RNF128: variants seen among roughly 807,000 people sequenced by gnomAD.
The protein encoded by RNF128 is ring finger protein 128.
Under a neutral mutation model 26.2 loss-of-function variants are expected in RNF128, and 13 were observed. The ratio of observed to expected loss-of-function variants is 0.50; its 90% CI spans 0.32 to 0.79. RNF128 has a LOEUF of 0.79. Among genes scored for constraint, RNF128 ranks in the 30% least tolerant of loss-of-function variants. The pLI, the probability that RNF128 is intolerant of heterozygous loss-of-function variation, is 0.03. For synonymous variants in RNF128, 149 were observed against 142.5 expected (o/e 1.05, Z -0.32); for missense variants, 315 against 349.7 (o/e 0.90, Z 0.79).
chrX:106,791,006 A>G (rs759508739), intron 5 of RNF128, 60 bp from the exon 6 acceptor site: 2 of 1,051,977 alleles, frequency 1.9e-6, no homozygotes, highest in Non-Finnish European at 2.6e-6. Context: ...CTTTGAAGTG[A>G]TATGTCGAGG....
At chrX:106,745,734 T>G (rs1416554730) in intron 1 of RNF128, among the ~76,000 whole-genome samples, 1 of 111,758 alleles carries the variant, frequency 8.9e-6, no homozygotes, top group African/African-American at 3.2e-5. Context: ...GAAACGCAAA[T>G]TTGGTTCATC....
At chrX:106,775,448 T>C (rs973952713) in intron 2 of RNF128, among the ~76,000 whole-genome samples, 1 of 111,991 alleles carries the variant, frequency 8.9e-6, no homozygotes, top group African/African-American at 3.2e-5. Flanking sequence ...GGTCTACGCA[T>C]TTAATTTTCA....
At chrX:106,773,245 A>G (rs1930408742) in intron 2 of RNF128, 85 bp downstream of exon 2, 1 of 922,582 alleles carries the variant, frequency 1.1e-6, no homozygotes, top group Non-Finnish European at 1.5e-6. Flanking sequence ...AATACATTGT[A>G]CTTGCTAGAC....
chrX:106,761,450 A>C (rs1489016628), intron 1 of RNF128, among the ~76,000 whole-genome samples: 1 of 111,800 alleles, frequency 8.9e-6, no homozygotes, highest in African/African-American at 3.2e-5. Context: ...AGGAATATAA[A>C]TCATTCTACC....
chrX:106,794,207 A>C (rs1453366112), intron 6 of RNF128, among the ~76,000 whole-genome samples: 6 of 110,654 alleles, frequency 5.4e-5, no homozygotes, highest in African/African-American at 2.0e-4. Flanking sequence ...TTCATTCTAT[A>C]ATATCATTCT....
At chrX:106,755,374 A>C (rs952552888) in intron 1 of RNF128, among the ~76,000 whole-genome samples, 1 of 111,356 alleles carries the variant, frequency 9.0e-6, no homozygotes, top group Non-Finnish European at 1.9e-5. Context: ...TTCTGAAAAA[A>C]CGGAGCAGGA....
chrX:106,786,419 C>T (rs934012720), intron 3 of RNF128, among the ~76,000 whole-genome samples: 3 of 111,534 alleles, frequency 2.7e-5, no homozygotes, highest in Non-Finnish European at 5.7e-5. Flanking sequence ...CAAAAAAGAA[C>T]TTAAATCCAT....
At chrX:106,734,881 AT>A (rs1160901052) in intron 1 of RNF128, among the ~76,000 whole-genome samples, 1 of 111,940 alleles carries the variant, frequency 8.9e-6, no homozygotes, top group Non-Finnish European at 1.9e-5. Flanking sequence ...CACTGGGGTT[AT>A]TTTATGGTGG....
intron 1 of RNF128, among the ~76,000 whole-genome samples, chrX:106,697,591 T>C (rs188572058): frequency 3.8e-4 from 43 of 111,820 alleles, no homozygotes; most frequent in African/African-American, 1.3e-3. Flanking sequence ...GCATCCCTTA[T>C]AGGTTGCCTT....
chrX:106,772,770 T>C, intron 1 of RNF128, 143 bp from the exon 2 acceptor site: 1 of 584,584 alleles, frequency 1.7e-6, no homozygotes, highest in Non-Finnish European at 2.6e-6. Context: ...TTCATATAGA[T>C]AGTAGGTGCT....
intron 2 of RNF128, 86 bp downstream of exon 2, chrX:106,773,246 C>A: frequency 1.1e-6 from 1 of 923,982 alleles, no homozygotes; most frequent in Non-Finnish European, 1.5e-6. Context: ...ATACATTGTA[C>A]TTGCTAGACA....
At chrX:106,762,261 C>T (rs1193013692) in intron 1 of RNF128, among the ~76,000 whole-genome samples, 2 of 110,788 alleles carry the variant, frequency 1.8e-5, no homozygotes, top group African/African-American at 6.6e-5. Flanking sequence ...CTCCATCCTT[C>T]CCTACCCTGT....
chrX:106,768,229 T>A (rs896508263), intron 1 of RNF128, among the ~76,000 whole-genome samples: 5 of 111,989 alleles, frequency 4.5e-5, no homozygotes, highest in Non-Finnish European at 9.4e-5. Flanking sequence ...GCTGGCCTCA[T>A]AAAATGAGTT....
chrX:106,711,064 C>A (rs1929118631), intron 1 of RNF128, among the ~76,000 whole-genome samples: 1 of 111,629 alleles, frequency 9.0e-6, no homozygotes, highest in Admixed American at 9.5e-5. Flanking sequence ...TGATCCACAG[C>A]AAATATAAAA....
At chrX:106,783,244 A>G (rs954576845) in intron 2 of RNF128, among the ~76,000 whole-genome samples, 1 of 111,456 alleles carries the variant, frequency 9.0e-6, no homozygotes, top group Non-Finnish European at 1.9e-5. Flanking sequence ...TATATAGGAG[A>G]CAGGTTTGGG....
At chrX:106,787,048 T>C (rs1930669835) in intron 3 of RNF128, among the ~76,000 whole-genome samples, 1 of 111,059 alleles carries the variant, frequency 9.0e-6, no homozygotes. Flanking sequence ...GGCAGTTCCT[T>C]ATGAAGTTAA....
intron 1 of RNF128, among the ~76,000 whole-genome samples, chrX:106,753,256 TAGAC>T (rs745984646): frequency 1.4e-4 from 16 of 111,317 alleles, no homozygotes; most frequent in South Asian, 7.7e-4. Flanking sequence ...TTTGAAGACA[TAGAC>T]AGTATAATAA....
At chrX:106,699,994 C>A (rs1569433972) in intron 1 of RNF128, among the ~76,000 whole-genome samples, 1 of 108,440 alleles carries the variant, frequency 9.2e-6, no homozygotes, top group East Asian at 2.8e-4. Context: ...TGTATATTTT[C>A]TTTTTTAATT....
intron 2 of RNF128, among the ~76,000 whole-genome samples, chrX:106,774,212 C>T (rs1930426009): frequency 9.0e-6 from 1 of 111,669 alleles, no homozygotes; most frequent in African/African-American, 3.3e-5. Flanking sequence ...CAACTTTACT[C>T]TCAATTTGTA....
Sources: gnomAD v4.1 joint callset for allele counts (sites outside exome capture counted in the v4.1 genomes callset) on GRCh38, gnomAD v4.1.1 for gene constraint, MANE v1.5 for transcripts, NCBI Gene and HGNC (gene_info 2026-07-23, HGNC 2026-07-21) for gene names.